The following LDB2 variants were observed in gnomAD, a reference collection of about 807,000 sequenced individuals.
LDB2 encodes LIM domain binding 2.
Under a neutral mutation model 44.3 loss-of-function variants are expected in LDB2, and 12 were observed. That is an observed-to-expected ratio of 0.27 (90% CI 0.17 to 0.44). LDB2 has a LOEUF of 0.44. Ranked by LOEUF, LDB2 falls within the 20% of genes least tolerant of loss-of-function variation. The pLI, the probability that LDB2 is intolerant of heterozygous loss-of-function variation, is 1.00. For synonymous variants in LDB2, 164 were observed against 174.8 expected (o/e 0.94, Z 0.49); for missense variants, 344 against 473.5 (o/e 0.73, Z 2.54).
intron 1 of LDB2, among the ~76,000 whole-genome samples, chr4:16,851,209 T>C (rs894335864): frequency 6.6e-6 from 1 of 151,884 alleles, no homozygotes; most frequent in Non-Finnish European, 1.5e-5. Flanking sequence ...CAACAGGATA[T>C]CAACAGGCTT....
intron 2 of LDB2, among the ~76,000 whole-genome samples, chr4:16,695,448 C>T (rs1751899019): frequency 6.8e-6 from 1 of 147,200 alleles, no homozygotes; most frequent in Middle Eastern, 3.5e-3. Context: ...CAAGACAGAG[C>T]AAGACTCTGT....
At chr4:16,564,189 A>G (rs1743619376) in intron 5 of LDB2, among the ~76,000 whole-genome samples, 1 of 152,018 alleles carries the variant, frequency 6.6e-6, no homozygotes. Context: ...CCTGAAATCC[A>G]ACACATAAAA....
chr4:16,692,345 T>G (rs1005621523), intron 2 of LDB2, among the ~76,000 whole-genome samples: 4 of 152,006 alleles, frequency 2.6e-5, no homozygotes, highest in African/African-American at 9.7e-5. Context: ...ATCTGACGTC[T>G]TCTTAAGTCC....
At chr4:16,640,310 C>G (rs1442040601) in intron 2 of LDB2, among the ~76,000 whole-genome samples, 2 of 152,110 alleles carry the variant, frequency 1.3e-5, no homozygotes, top group Non-Finnish European at 2.9e-5. Flanking sequence ...TAATAGAGAA[C>G]TGTAATATAA....
intron 5 of LDB2, among the ~76,000 whole-genome samples, chr4:16,585,677 G>C (rs1716536041): frequency 6.6e-6 from 1 of 152,108 alleles, no homozygotes; most frequent in Non-Finnish European, 1.5e-5. Flanking sequence ...GCTAGCCTTT[G>C]AATAATTAAT....
At chr4:16,644,039 T>C (rs1735951154) in intron 2 of LDB2, among the ~76,000 whole-genome samples, 4 of 152,236 alleles carry the variant, frequency 2.6e-5, no homozygotes, top group Admixed American at 1.3e-4. Context: ...AACTTGTCAA[T>C]TGCTCACACA....
chr4:16,766,590 C>T (rs1333964941), intron 1 of LDB2, among the ~76,000 whole-genome samples: 2 of 151,208 alleles, frequency 1.3e-5, no homozygotes, highest in East Asian at 3.9e-4. Context: ...ACTGCAACCT[C>T]CACCTCCTGT....
intron 2 of LDB2, among the ~76,000 whole-genome samples, chr4:16,696,707 G>A (rs981499656): frequency 1.3e-5 from 2 of 152,188 alleles, no homozygotes; most frequent in Admixed American, 6.5e-5. Flanking sequence ...AATTATGGTT[G>A]TGAGCAAGAG....
chr4:16,567,884 G>A (rs577136571), intron 5 of LDB2, among the ~76,000 whole-genome samples: 1 of 152,084 alleles, frequency 6.6e-6, no homozygotes, highest in Admixed American at 6.5e-5. Context: ...AGATAGTGAG[G>A]GTTAGTTAAA....
chr4:16,646,737 T>C (rs1159498556), intron 2 of LDB2, among the ~76,000 whole-genome samples: 3 of 152,224 alleles, frequency 2.0e-5, no homozygotes, highest in African/African-American at 4.8e-5. Context: ...TCACAACAAA[T>C]GCTAACCCCT....
At chr4:16,735,656 G>A (rs1422706901) in intron 2 of LDB2, among the ~76,000 whole-genome samples, 2 of 151,986 alleles carry the variant, frequency 1.3e-5, no homozygotes, top group African/African-American at 4.8e-5. Context: ...ACCAGCGATG[G>A]CATGTGGATA....
At chr4:16,548,943 A>G (rs1258287998) in intron 5 of LDB2, among the ~76,000 whole-genome samples, 3 of 152,212 alleles carry the variant, frequency 2.0e-5, no homozygotes, top group Admixed American at 6.5e-5. Context: ...ACAAGACCCC[A>G]AGACCTATGC....
At chr4:16,708,541 C>A (rs1440437126) in intron 2 of LDB2, among the ~76,000 whole-genome samples, 3 of 152,130 alleles carry the variant, frequency 2.0e-5, no homozygotes, top group Non-Finnish European at 4.4e-5. Context: ...CTACCACCTT[C>A]CTCTGCAAAT....
chr4:16,559,144 A>C (rs1285894069), intron 5 of LDB2, among the ~76,000 whole-genome samples: 1 of 152,240 alleles, frequency 6.6e-6, no homozygotes, highest in Non-Finnish European at 1.5e-5. Flanking sequence ...GGCTAGGAAG[A>C]AACTGCATCA....
In LDB2 at chr4:16,736,032, G is replaced by A. The variant is rs189073500; in HGVS notation, c.235+23126C>T. On this transcript the variant is annotated intron_variant, in intron 2 of 7. Transcript: ENST00000304523. ...CTATAGATGCCACAGTGTCTGGGCA[G>A]CAGCCTATGTGTACCCAGCAGCACC... 2.0e-5 allele frequency among the ~76,000 whole-genome samples: 3 copies of A among 152,274 alleles called. No individual in the cohort carries two copies. In the East Asian group the frequency reaches 5.8e-4, roughly 29 times the overall value.
chr4:16,821,591 G>A (rs987704768), intron 1 of LDB2, among the ~76,000 whole-genome samples: 7 of 149,558 alleles, frequency 4.7e-5, no homozygotes, highest in East Asian at 2.0e-4. Context: ...AGGATTCACC[G>A]TGTTAGCCAG....
At chr4:16,841,476 G>A (rs1238710442) in intron 1 of LDB2, among the ~76,000 whole-genome samples, 1 of 152,196 alleles carries the variant, frequency 6.6e-6, no homozygotes, top group Non-Finnish European at 1.5e-5. Context: ...GTAAACAGGT[G>A]TTTGATAATC....
At chr4:16,832,387 G>A (rs1232561666) in intron 1 of LDB2, among the ~76,000 whole-genome samples, 1 of 152,154 alleles carries the variant, frequency 6.6e-6, no homozygotes, top group African/African-American at 2.4e-5. Context: ...AGGACATACT[G>A]ATGAAATTAT....
chr4:16,848,993 T>C (rs1787649025), intron 1 of LDB2, among the ~76,000 whole-genome samples: 1 of 152,220 alleles, frequency 6.6e-6, no homozygotes, highest in Non-Finnish European at 1.5e-5. Flanking sequence ...TTACTGGTAG[T>C]TCTTCAAAGA....
Sources: gnomAD v4.1 joint callset for allele counts (sites outside exome capture counted in the v4.1 genomes callset) on GRCh38, gnomAD v4.1.1 for gene constraint, MANE v1.5 for transcripts, NCBI Gene and HGNC (gene_info 2026-07-23, HGNC 2026-07-21) for gene names.